The following PRKCA variants were observed in gnomAD, a reference collection of about 807,000 sequenced individuals.
The protein encoded by PRKCA is protein kinase C alpha, also known as protein kinase C alpha type.
PRKCA carries 27 observed loss-of-function variants against 87.0 expected under a neutral mutation model. The observed-to-expected ratio is 0.31, with a 90% CI of 0.23 to 0.43. The LOEUF is 0.43. Ranked by LOEUF, PRKCA falls within the 20% of genes least tolerant of loss-of-function variation. The pLI is 1.00. For synonymous variants in PRKCA, 329 were observed against 311.1 expected, an observed-to-expected ratio of 1.06 and a Z score of -0.61; for missense variants, 518 against 852.3, an observed-to-expected ratio of 0.61 and a Z score of 4.88.
intron 2 of PRKCA, among the ~76,000 whole-genome samples, chr17:66,372,782 C>T (rs569284471): frequency 9.2e-5 from 14 of 152,246 alleles, no homozygotes; most frequent in South Asian, 2.1e-4. Flanking sequence ...ACAGGCCAGG[C>T]GCAGTGGCTC....
At chr17:66,537,436 T>G (rs1287530677) in intron 3 of PRKCA, among the ~76,000 whole-genome samples, 1 of 152,206 alleles carries the variant, frequency 6.6e-6, no homozygotes, top group Non-Finnish European at 1.5e-5. Flanking sequence ...ACGCCAAGTG[T>G]TCTTTGTGAT....
At position 66,742,611 on chromosome 17, in the gene PRKCA, G is replaced by T. The variant is rs1274933243; in HGVS notation, c.1386-11G>T. The T allele has an allele frequency of 6.2e-7, 1 of 1,613,398 alleles. No individual in the cohort carries two copies. Among genetic ancestry groups the T allele is most frequent in the Non-Finnish European group, 8.5e-7 (1 of 1,179,754 alleles). ...TGGGAAGGACTCTGATGTTAACCCGGTTCCTTGCAGGGATCTGAAGTTAGA... is the reference window on the plus strand; with the variant it reads ...TGGGAAGGACTCTGATGTTAACCCGTTTCCTTGCAGGGATCTGAAGTTAGA... On this transcript the variant is annotated splice_polypyrimidine_tract_variant and intron_variant, in intron 12 of 16. Transcript: ENST00000413366.
At chr17:66,327,321 C>T (rs910063294) in intron 2 of PRKCA, among the ~76,000 whole-genome samples, 3 of 144,990 alleles carry the variant, frequency 2.1e-5, no homozygotes, top group East Asian at 2.0e-4. Flanking sequence ...GAGGTGAGAT[C>T]GAGCCACTGC....
rs111960294 is a variant in PRKCA at position 66,386,201 on chromosome 17, A to T, written c.205+80074A>T. Among the ~76,000 whole-genome samples the T allele has an allele frequency of 3.1e-3, 465 of 152,254 alleles. 1 individual carries two copies. The highest frequency in any genetic ancestry group is 0.011 in the African/African-American group (440 of 41,544). On this transcript the variant is annotated intron_variant, in intron 2 of 16. Coordinates refer to ENST00000413366, the MANE Select transcript of PRKCA (RefSeq NM_002737.3). ...CATTATATCATCCTACAGTTCTGAG[A>T]CTTGCTTTTTTCATTAACAGTATAG...
At position 66,774,082 on chromosome 17, in the gene PRKCA, C is replaced by T; in HGVS notation, c.1605+15C>T. ...TTGCCGGGCAGGTAATGTTTTGCTA[C>T]ATTTTCATGTTTGTTTATTGCTGTG... On this transcript the variant is annotated intron_variant, in intron 14 of 16. Transcript: ENST00000413366. 1 of 1,614,032 alleles carries T rather than the reference C, an allele frequency of 6.2e-7. No individual in the cohort carries two copies. Among genetic ancestry groups the T allele is most frequent in the Non-Finnish European group, 8.5e-7 (1 of 1,179,984 alleles).
intron 3 of PRKCA, among the ~76,000 whole-genome samples, chr17:66,570,084 A>C (rs1969030457): frequency 6.6e-6 from 1 of 152,208 alleles, no homozygotes; most frequent in Non-Finnish European, 1.5e-5. Flanking sequence ...TGTTATGTGC[A>C]ACAAAAGTGT....
intron 3 of PRKCA, among the ~76,000 whole-genome samples, chr17:66,635,960 A>T (rs990541149): frequency 2.1e-5 from 3 of 145,260 alleles, no homozygotes; most frequent in Non-Finnish European, 3.1e-5. Flanking sequence ...AAATAGCTTT[A>T]AAAAAAAAAG....
chr17:66,620,434 G>A (rs547012331), intron 3 of PRKCA, among the ~76,000 whole-genome samples: 2 of 152,314 alleles, frequency 1.3e-5, no homozygotes, highest in South Asian at 2.1e-4. Flanking sequence ...ACAGGAAAAT[G>A]CAACTTTTCT....
intron 2 of PRKCA, among the ~76,000 whole-genome samples, chr17:66,462,147 C>T (rs1003463202): frequency 1.3e-5 from 2 of 152,112 alleles, no homozygotes; most frequent in Admixed American, 6.6e-5. Context: ...CAGACAAATC[C>T]CTTCATGGAT....
At chr17:66,664,415 T>C (rs1227646738) in intron 5 of PRKCA, among the ~76,000 whole-genome samples, 1 of 152,120 alleles carries the variant, frequency 6.6e-6, no homozygotes, top group African/African-American at 2.4e-5. Context: ...TTTGGTTTAG[T>C]ACCAGGAATC....
chr17:66,786,852 T>G lies in PRKCA; in HGVS notation c.1606-15T>G. 2 of 1,607,486 alleles carry G rather than the reference T, an allele frequency of 1.2e-6. No individual in the cohort carries two copies. Among genetic ancestry groups the G allele is most frequent in the Non-Finnish European group, 1.7e-6 (2 of 1,174,174 alleles). ...TGCCTAAATACTTTCCCATCTTTCTTTTTTTCCGGAACAGCCTCCATTTGA... is the reference window on the plus strand; with the variant it reads ...TGCCTAAATACTTTCCCATCTTTCTGTTTTTCCGGAACAGCCTCCATTTGA... On this transcript the variant is annotated splice_polypyrimidine_tract_variant and intron_variant, in intron 14 of 16. Coordinates refer to ENST00000413366, the MANE Select transcript of PRKCA (RefSeq NM_002737.3).
intron 13 of PRKCA, among the ~76,000 whole-genome samples, chr17:66,743,699 C>G (rs1974206241): frequency 6.6e-6 from 1 of 152,162 alleles, no homozygotes. Context: ...CCATCTGTAC[C>G]CAGCATGGTG....
chr17:66,519,774 G>C (rs192208349), intron 3 of PRKCA, among the ~76,000 whole-genome samples: 169 of 152,318 alleles, frequency 1.1e-3, no homozygotes, highest in Non-Finnish European at 2.2e-3. Context: ...CAGATCTTCT[G>C]AAGCAGCAAG....
intron 3 of PRKCA, among the ~76,000 whole-genome samples, chr17:66,543,933 T>C (rs932042020): frequency 6.6e-6 from 1 of 152,194 alleles, no homozygotes; most frequent in Non-Finnish European, 1.5e-5. Flanking sequence ...ATTGCTAGGC[T>C]GGGTGCTGTG....
chr17:66,592,343 C>CAAAA (rs71160581), intron 3 of PRKCA, among the ~76,000 whole-genome samples: 12,418 of 82,212 alleles, frequency 0.15, 1,143 homozygotes, highest in Admixed American at 0.2. Context: ...TGATCCGTCT[C>CAAAA]AAAAAAAAAA....
chr17:66,447,415 C>T (rs1396222456), intron 2 of PRKCA, among the ~76,000 whole-genome samples: 1 of 152,152 alleles, frequency 6.6e-6, no homozygotes, highest in Admixed American at 6.5e-5. Context: ...CTTCTGGAGA[C>T]ACCTTCCTCA....
chr17:66,346,081 C>T (rs1454545599), intron 2 of PRKCA, among the ~76,000 whole-genome samples: 7 of 150,190 alleles, frequency 4.7e-5, no homozygotes, highest in South Asian at 2.1e-4. Context: ...TAAGCTATTG[C>T]GTTATCTTTT....
intron 2 of PRKCA, among the ~76,000 whole-genome samples, chr17:66,390,487 G>A (rs892919696): frequency 2.4e-4 from 37 of 152,254 alleles, no homozygotes; most frequent in African/African-American, 8.4e-4. Flanking sequence ...AAAGAGAAAG[G>A]CCCAGCCATT....
At chr17:66,713,288 G>T (rs1973384530) in intron 8 of PRKCA, among the ~76,000 whole-genome samples, 1 of 152,056 alleles carries the variant, frequency 6.6e-6, no homozygotes, top group South Asian at 2.1e-4. Flanking sequence ...CTGACCTTGT[G>T]ATCTGCCTGC....
Sources: gnomAD v4.1 joint callset for allele counts (sites outside exome capture counted in the v4.1 genomes callset) on GRCh38, gnomAD v4.1.1 for gene constraint, MANE v1.5 for transcripts, NCBI Gene and HGNC (gene_info 2026-07-23, HGNC 2026-07-21) for gene names.